The following UCN3 variants were observed in gnomAD, a reference collection of about 807,000 sequenced individuals.
UCN3 encodes urocortin 3.
UCN3 carries 3 observed loss-of-function variants against 3.6 expected under a neutral mutation model. That is an observed-to-expected ratio of 0.83 (90% CI 0.38 to 2.15). UCN3 has a LOEUF of 2.15. Among genes scored for constraint, UCN3 ranks in the 30% most tolerant of loss-of-function variants. The probability of loss-of-function intolerance (pLI) is 0.06; values close to 1 mark genes in which losing one functional copy is unlikely to be tolerated. For synonymous variants in UCN3, 100 were observed against 93.2 expected (o/e 1.07, Z -0.42); for missense variants, 206 against 208.3 (o/e 0.99, Z 0.07).
rs978573535 is a variant in UCN3, at chr10:5,373,600, C to G, written c.-6-115C>G. 3.4e-6 allele frequency: 5 copies of G among 1,483,794 alleles called. No homozygotes were observed. In the African/African-American group the frequency reaches 7.0e-5, roughly 21 times the overall value. 91.9% of individuals were successfully genotyped at this position (1,483,794 alleles called of 1,614,324 possible). A position where few individuals can be genotyped will look rare whatever the true frequency, so the allele number is the denominator to read the frequency against. ...TGATGCTGCTGGTCTGGGGGTCATA[C>G]TTGGAGAACCCTTGTAGTGGAACAT... On this transcript the variant is annotated intron_variant, in intron 1 of 1. Coordinates refer to ENST00000380433, the MANE Select transcript of UCN3 (RefSeq NM_053049.4).
chr10:5,367,838 T>C lies in UCN3; in HGVS notation c.-7+2608T>C, dbSNP rs1299998131. ...GCAGAATGCTGCCCCGGGAAGGAAA[T>C]AGAAAGGAGCAGGGAGGGGTTCCCT... On this transcript the variant is annotated intron_variant, in intron 1 of 1. Coordinates refer to ENST00000380433, the MANE Select transcript of UCN3 (RefSeq NM_053049.4). This position sits in a 1 kb window ranked among gnomAD's most constrained non-coding sequence, Gnocchi z 4.3. Among the ~76,000 whole-genome samples the C allele has an allele frequency of 3.3e-5, 5 of 151,700 alleles. No homozygotes were observed. Among genetic ancestry groups the C allele is most frequent in the African/African-American group, 1.2e-4 (5 of 41,238 alleles).
rs771697735 is a variant in UCN3, at chr10:5,366,112, G to A, written c.-7+882G>A. On this transcript the variant is annotated intron_variant, in intron 1 of 1. Coordinates refer to ENST00000380433, the MANE Select transcript of UCN3 (RefSeq NM_053049.4). The surrounding 1 kb of genome is among the most constrained non-coding windows in gnomAD (Gnocchi z 4.2). ...CAGGAATAGCTCTGCACTTGGCAGA[G>A]ATGTGTGATCAGTACTGTTTGCCTC... 1.4e-4 allele frequency among the ~76,000 whole-genome samples: 21 copies of A among 152,230 alleles called. No homozygotes were observed. The highest frequency in any genetic ancestry group is 1.2e-4 in the Non-Finnish European group (8 of 68,046).
chr10:5,370,165 ATG>A lies in UCN3; in HGVS notation c.-6-3542_-6-3541del, dbSNP rs782496937. Among the ~76,000 whole-genome samples the A allele has an allele frequency of 1.6e-3, 55 of 33,800 alleles. 9 individuals are homozygous for A. The highest frequency in any genetic ancestry group is 0.013 in the East Asian group (9 of 690). 22.2% of individuals were successfully genotyped at this position (33,800 alleles called of 152,430 possible). On this transcript the variant is annotated intron_variant, in intron 1 of 1. Coordinates refer to ENST00000380433, the MANE Select transcript of UCN3 (RefSeq NM_053049.4). The stretch of plus-strand genomic sequence containing the variant: ...TATGCGTGTGTATATGTGTGTGTAT[ATG>A]TGTGTGTATATGCGTGTGTATATGC...
chr10:5,370,190 TGC>T (rs1554811137), intron 1 of UCN3, among the ~76,000 whole-genome samples: 2 of 75,306 alleles, frequency 2.7e-5, no homozygotes, highest in Admixed American at 1.3e-4. Flanking sequence ...CGTGTGTATA[TGC>T]GTGTGTATAT....
chr10:5,365,546 A>G lies in UCN3; in HGVS notation c.-7+316A>G, dbSNP rs1385482720. On this transcript the variant is annotated intron_variant, in intron 1 of 1. Coordinates refer to ENST00000380433, the MANE Select transcript of UCN3 (RefSeq NM_053049.4). This position sits in a 1 kb window ranked among gnomAD's most constrained non-coding sequence, Gnocchi z 4.4. ...CTCTGAACAGAGCACAGCTGTGCACAGGAAAGTCAGTCCTCGGAGACAGTT... is the reference window on the plus strand; with the variant it reads ...CTCTGAACAGAGCACAGCTGTGCACGGGAAAGTCAGTCCTCGGAGACAGTT... Among the ~76,000 whole-genome samples, 1 of 152,254 alleles carries G rather than the reference A, an allele frequency of 6.6e-6. No individual in the cohort carries two copies. Among genetic ancestry groups the G allele is most frequent in the Non-Finnish European group, 1.5e-5 (1 of 68,040 alleles).
In UCN3 at chr10:5,370,419, G is replaced by A. The variant is rs373800445; in HGVS notation, c.-6-3296G>A. ...TATATGTGTGTGTATATGTGTGTGT[G>A]TATATGCGTGTGTATATGCGTGTGT... On this transcript the variant is annotated intron_variant, in intron 1 of 1. Transcript: ENST00000380433. Among the ~76,000 whole-genome samples, 210 of 56,322 alleles carry A rather than the reference G, an allele frequency of 3.7e-3. 7 individuals are homozygous for A. Among genetic ancestry groups the A allele is most frequent in the East Asian group, 8.4e-3 (14 of 1,664 alleles). The allele number at this position is 56,322 out of a possible 152,430, so 36.9% of individuals were successfully genotyped here.
intron 1 of UCN3, among the ~76,000 whole-genome samples, chr10:5,370,319 GTGTGTA>G (rs1554811198): frequency 2.2e-4 from 18 of 81,792 alleles, no homozygotes; most frequent in Non-Finnish European, 3.2e-4. Flanking sequence ...GCGTGTATGT[GTGTGTA>G]TATGCGTGTG....
intron 1 of UCN3, among the ~76,000 whole-genome samples, chr10:5,370,168 TGTGTGTATATGCGTGTGTATATGC>T (rs1564442458): frequency 3.3e-5 from 1 of 29,918 alleles, no homozygotes; most frequent in Non-Finnish European, 6.1e-5. Context: ...TGTGTATATG[TGTGTGTATATGCGTGTGTATATGC>T]GTGTGTATAT....
intron 1 of UCN3, among the ~76,000 whole-genome samples, chr10:5,372,737 T>C (rs1448130296): frequency 1.4e-5 from 2 of 144,656 alleles, no homozygotes; most frequent in South Asian, 2.2e-4. Context: ...TTTTTTTTTG[T>C]AGAGATGAGG....
intron 1 of UCN3, among the ~76,000 whole-genome samples, chr10:5,369,866 T>G (rs1013453490): frequency 1.4e-5 from 2 of 141,910 alleles, no homozygotes; most frequent in Admixed American, 6.9e-5. Context: ...CACGTGGGTG[T>G]GTGTGTATAT....
rs781940077 is a variant in UCN3 at position 5,370,626 on chromosome 10, C to T, written c.-6-3089C>T. Reference sequence around the variant, plus strand: ...ATGCGTGTGTATATGCGTGTATATGCGTGTGTATGTGTGTGTATATGTGTG... The same window carrying T: ...ATGCGTGTGTATATGCGTGTATATGTGTGTGTATGTGTGTGTATATGTGTG... On this transcript the variant is annotated intron_variant, in intron 1 of 1. Coordinates refer to ENST00000380433, the MANE Select transcript of UCN3 (RefSeq NM_053049.4). Among the ~76,000 whole-genome samples the T allele has an allele frequency of 5.7e-3, 128 of 22,540 alleles. 4 individuals are homozygous for T. Among genetic ancestry groups the T allele is most frequent in the South Asian group, 0.014 (5 of 368 alleles). The allele number at this position is 22,540 out of a possible 152,430, so 14.8% of individuals were successfully genotyped here.
At chr10:5,370,697 ATG>A (rs145146672) in intron 1 of UCN3, among the ~76,000 whole-genome samples, 7,227 of 77,596 alleles carry the variant, frequency 0.093, 1,046 homozygotes, top group Middle Eastern at 0.14. Flanking sequence ...ATGTGTGTAT[ATG>A]TGTGTGTATA....
chr10:5,370,857 G>A (rs62651871), intron 1 of UCN3, among the ~76,000 whole-genome samples: 31,530 of 99,714 alleles, frequency 0.32, 7,766 homozygotes, highest in East Asian at 0.59. Context: ...GTGCGCGTGT[G>A]TGTGCGTGTG....
rs1564443334 is a variant in UCN3, at chr10:5,370,657, GTGTGTGTA to G, written c.-6-3050_-6-3043del. ...TATGTGTGTGTATATGTGTGTGTAT[GTGTGTGTA>G]TGTGTGTGTATGTGTGTGTGTATGT... is the stretch of plus-strand genomic sequence containing the variant. On this transcript the variant is annotated intron_variant, in intron 1 of 1. Transcript: ENST00000380433. Among the ~76,000 whole-genome samples, 80 of 67,440 alleles carry G rather than the reference GTGTGTGTA, an allele frequency of 1.2e-3. 8 individuals are homozygous for G. Among genetic ancestry groups the G allele is most frequent in the South Asian group, 2.5e-3 (4 of 1,578 alleles). 44.2% of individuals were successfully genotyped at this position (67,440 alleles called of 152,430 possible). A position where few individuals can be genotyped will look rare whatever the true frequency, so the allele number is the denominator to read the frequency against.
intron 1 of UCN3, among the ~76,000 whole-genome samples, chr10:5,369,987 ATGTGTGTATG>A (rs1341087024): frequency 1.7e-4 from 3 of 17,314 alleles, no homozygotes; most frequent in African/African-American, 3.0e-4. Flanking sequence ...GCGTGTGTAT[ATGTGTGTATG>A]TGTGTGTGTA....
Position 5,366,960 on chromosome 10 carries a change from C to T in UCN3, c.-7+1730C>T, listed in dbSNP as rs985302784. Among the ~76,000 whole-genome samples, 3 of 152,078 alleles carry T rather than the reference C, an allele frequency of 2.0e-5. No homozygotes were observed. The highest frequency in any genetic ancestry group is 7.2e-5 in the African/African-American group (3 of 41,388). On this transcript the variant is annotated intron_variant, in intron 1 of 1. Coordinates refer to ENST00000380433, the MANE Select transcript of UCN3 (RefSeq NM_053049.4). This position sits in a 1 kb window ranked among gnomAD's most constrained non-coding sequence, Gnocchi z 4.2. ...TTTTCCACACCTTCAGCACCCTAGCCGTGATTACAGTATTCTTCTCTGATG... is the reference window on the plus strand; with the variant it reads ...TTTTCCACACCTTCAGCACCCTAGCTGTGATTACAGTATTCTTCTCTGATG...
In UCN3 at chr10:5,366,665, C is replaced by T. The variant is rs11253132; in HGVS notation, c.-7+1435C>T. ...TCACACACTTTGATGGTGAAACCATCCAGGGTTGCAAAGAACCCTTACATT... is the reference window on the plus strand; with the variant it reads ...TCACACACTTTGATGGTGAAACCATTCAGGGTTGCAAAGAACCCTTACATT... On this transcript the variant is annotated intron_variant, in intron 1 of 1. Transcript: ENST00000380433. This position sits in a 1 kb window ranked among gnomAD's most constrained non-coding sequence, Gnocchi z 4.2. Among the ~76,000 whole-genome samples, 1,643 of 152,298 alleles carry T rather than the reference C, an allele frequency of 0.011. 24 individuals are homozygous for T. Among genetic ancestry groups the T allele is most frequent in the Admixed American group, 0.039 (601 of 15,292 alleles).
chr10:5,370,742 G>A lies in UCN3; in HGVS notation c.-6-2973G>A, dbSNP rs562778484. On this transcript the variant is annotated intron_variant, in intron 1 of 1. Transcript: ENST00000380433. ...TGTGTATATGCGTGTGTATATGTGT[G>A]TGTATATGATGTGTGTGTATATGCG... is the stretch of plus-strand genomic sequence containing the variant. Among the ~76,000 whole-genome samples, 264 of 126,510 alleles carry A rather than the reference G, an allele frequency of 2.1e-3. 25 individuals carry two copies. The highest frequency in any genetic ancestry group is 8.0e-3 in the African/African-American group (247 of 31,036). 83.0% of individuals were successfully genotyped at this position (126,510 alleles called of 152,430 possible). A position where few individuals can be genotyped will look rare whatever the true frequency, so the allele number is the denominator to read the frequency against.
Position 5,374,070 on chromosome 10 carries a change from G to A in UCN3, c.350G>A (p.Arg117His), listed in dbSNP as rs578013129. 2.0e-5 allele frequency: 33 copies of A among 1,613,426 alleles called. No individual in the cohort carries two copies. The East Asian group carries it at 3.8e-4, about 19-fold the overall frequency. ...CAGGACACGGCCAAGAGTCCCCACC[G>A]CACCAAGTTCACCCTGTCCCTCGAC... Reference protein sequence around the residue: ...PRQDTAKSPHRTKFTLSLDVP... With the variant: ...PRQDTAKSPHHTKFTLSLDVP... Residue 117 changes from arginine (R) to histidine (H), a missense_variant, in exon 2 of 2, where the codon CGC (arginine) becomes CAC (histidine). By Grantham distance (29) the Arg-to-His change is conservative. Transcript: ENST00000380433.
Sources: gnomAD v4.1 joint callset for allele counts (sites outside exome capture counted in the v4.1 genomes callset) on GRCh38, gnomAD v4.1.1 for gene constraint, Gnocchi (gnomAD v3.1) non-coding constraint, MANE v1.5 for transcripts, NCBI Gene and HGNC (gene_info 2026-07-23, HGNC 2026-07-21) for gene names.